EXOC6B: variants seen among roughly 807,000 people sequenced by gnomAD.
EXOC6B encodes SEC15 homolog B.
Under a neutral mutation model 113.5 loss-of-function variants are expected in EXOC6B, and 54 were observed. The observed-to-expected ratio is 0.48, with a 90% CI of 0.38 to 0.60. EXOC6B has a LOEUF of 0.60. Ranked by LOEUF, EXOC6B falls within the 20% of genes least tolerant of loss-of-function variation. The pLI is 0.00. For synonymous variants in EXOC6B, 357 were observed against 339.0 expected, an observed-to-expected ratio of 1.05 and a Z score of -0.58; for missense variants, 797 against 977.5, an observed-to-expected ratio of 0.82 and a Z score of 2.46.
At chr2:72,636,365 G>GAAGCAAGGAAGC (rs1410726668) in intron 6 of EXOC6B, among the ~76,000 whole-genome samples, 1 of 121,924 alleles carries the variant, frequency 8.2e-6, no homozygotes, top group African/African-American at 4.2e-5. Flanking sequence ...AGGAAGGAAG[G>GAAGCAAGGAAGC]AAGGAAGCAA....
intron 19 of EXOC6B, among the ~76,000 whole-genome samples, chr2:72,358,074 G>A (rs1038078276): frequency 6.6e-6 from 1 of 152,064 alleles, no homozygotes; most frequent in Admixed American, 6.6e-5. Flanking sequence ...TAGATAAGGG[G>A]TGACTACTGT....
chr2:72,514,107 G>A (rs1276887409), intron 10 of EXOC6B, among the ~76,000 whole-genome samples: 4 of 152,026 alleles, frequency 2.6e-5, no homozygotes, highest in African/African-American at 9.7e-5. Flanking sequence ...TATAGCCTAT[G>A]GGATAAACCT....
intron 6 of EXOC6B, among the ~76,000 whole-genome samples, chr2:72,715,857 AAGATACT>A (rs1679579370): frequency 6.6e-6 from 1 of 152,152 alleles, no homozygotes; most frequent in African/African-American, 2.4e-5. Flanking sequence ...GCATCCCTGG[AAGATACT>A]AGATTTTGAA....
intron 18 of EXOC6B, among the ~76,000 whole-genome samples, chr2:72,410,278 T>C (rs151025014): frequency 6.8e-4 from 104 of 152,234 alleles, no homozygotes; most frequent in African/African-American, 2.5e-3. Context: ...TTCAATCTTA[T>C]TTCCAATGAT....
At chr2:72,402,368 T>C (rs537655483) in intron 18 of EXOC6B, among the ~76,000 whole-genome samples, 2 of 152,300 alleles carry the variant, frequency 1.3e-5, no homozygotes, top group East Asian at 1.9e-4. Context: ...CATGTAGAAA[T>C]AAAATGAGGA....
intron 7 of EXOC6B, among the ~76,000 whole-genome samples, chr2:72,572,655 T>C (rs1241979626): frequency 6.6e-6 from 1 of 152,162 alleles, no homozygotes; most frequent in Non-Finnish European, 1.5e-5. Flanking sequence ...ATGAGGTCTG[T>C]TGAAGAATGA....
intron 8 of EXOC6B, among the ~76,000 whole-genome samples, chr2:72,554,648 G>C (rs1703432763): frequency 6.6e-6 from 1 of 152,176 alleles, no homozygotes. Flanking sequence ...AGCACTGTGA[G>C]TCAATTAAAC....
intron 13 of EXOC6B, 57 bp from the exon 14 acceptor site, chr2:72,496,616 G>A: frequency 1.9e-6 from 2 of 1,049,728 alleles, no homozygotes; most frequent in Admixed American, 2.0e-5. Flanking sequence ...GGGGGGGTAG[G>A]GGAGGGGAAC....
At chr2:72,392,452 T>G (rs1210868152) in intron 18 of EXOC6B, among the ~76,000 whole-genome samples, 2 of 152,252 alleles carry the variant, frequency 1.3e-5, no homozygotes, top group Non-Finnish European at 2.9e-5. Flanking sequence ...TTAATCTCTA[T>G]TCAAATAATT....
At chr2:72,464,438 T>A (rs1697909822) in intron 18 of EXOC6B, 1 of 152,198 alleles carries the variant, frequency 6.6e-6, no homozygotes, top group Non-Finnish European at 1.5e-5. Flanking sequence ...TGCAACCCAA[T>A]ATTAATCCAA....
At chr2:72,277,027 A>G (rs930991806) in intron 20 of EXOC6B, among the ~76,000 whole-genome samples, 10 of 152,196 alleles carry the variant, frequency 6.6e-5, no homozygotes, top group Admixed American at 3.9e-4. Flanking sequence ...GAGTAGTATA[A>G]CAGCCCCTTT....
intron 19 of EXOC6B, among the ~76,000 whole-genome samples, chr2:72,350,950 C>G (rs980682192): frequency 2.6e-5 from 4 of 152,114 alleles, no homozygotes; most frequent in Non-Finnish European, 4.4e-5. Context: ...TGAAAAAGCC[C>G]TCACAAATGC....
At chr2:72,194,662 G>T (rs1344142666) in intron 20 of EXOC6B, among the ~76,000 whole-genome samples, 1 of 151,776 alleles carries the variant, frequency 6.6e-6, no homozygotes, top group Non-Finnish European at 1.5e-5. Flanking sequence ...CACCTAGAAA[G>T]CTGCAGAACT....
chr2:72,441,764 C>A (rs564184584), intron 18 of EXOC6B, among the ~76,000 whole-genome samples: 3 of 151,966 alleles, frequency 2.0e-5, no homozygotes, highest in Non-Finnish European at 4.4e-5. Context: ...AACCACCCCC[C>A]GCCCAACAAA....
At chr2:72,393,775 C>G (rs1295600018) in intron 18 of EXOC6B, among the ~76,000 whole-genome samples, 2 of 151,964 alleles carry the variant, frequency 1.3e-5, no homozygotes, top group African/African-American at 4.8e-5. Flanking sequence ...TCTTTTGAAC[C>G]CAAATTTACA....
chr2:72,676,824 C>T (rs1326698140), intron 6 of EXOC6B, among the ~76,000 whole-genome samples: 1 of 152,152 alleles, frequency 6.6e-6, no homozygotes, highest in Admixed American at 6.5e-5. Flanking sequence ...CAACTATATT[C>T]CTGTGAAGTG....
intron 18 of EXOC6B, among the ~76,000 whole-genome samples, chr2:72,419,833 T>C (rs1167996842): frequency 1.3e-5 from 2 of 152,220 alleles, no homozygotes; most frequent in Non-Finnish European, 2.9e-5. Flanking sequence ...TTGATATTCA[T>C]GTCTTCCAAC....
intron 19 of EXOC6B, among the ~76,000 whole-genome samples, chr2:72,358,582 G>A (rs1419698366): frequency 6.6e-6 from 1 of 152,070 alleles, no homozygotes. Flanking sequence ...AAAAAAATAA[G>A]GTTTAGAGAA....
intron 1 of EXOC6B, among the ~76,000 whole-genome samples, chr2:72,786,868 G>A (rs559956702): frequency 6.6e-6 from 1 of 152,288 alleles, no homozygotes; most frequent in East Asian, 1.9e-4. Flanking sequence ...CTAGTAAGGA[G>A]GGTGTTGTCC....
Sources: gnomAD v4.1 joint callset for allele counts (sites outside exome capture counted in the v4.1 genomes callset) on GRCh38, gnomAD v4.1.1 for gene constraint, MANE v1.5 for transcripts, NCBI Gene and HGNC (gene_info 2026-07-23, HGNC 2026-07-21) for gene names.